Variants in CFAP99 observed in about 807,000 individuals in gnomAD.
CFAP99 encodes cilia- and flagella-associated protein 99.
CFAP99 carries 84 observed loss-of-function variants against 82.7 expected under a neutral mutation model. The ratio of observed to expected loss-of-function variants is 1.02; its 90% CI spans 0.85 to 1.22. CFAP99 has a LOEUF of 1.22. CFAP99 is among the 50% of genes most tolerant of loss of function. The pLI, the probability that CFAP99 is intolerant of heterozygous loss-of-function variation, is 0.00. For synonymous variants in CFAP99, 456 were observed against 429.5 expected, an observed-to-expected ratio of 1.06 and a Z score of -0.76; for missense variants, 1,059 against 983.5, an observed-to-expected ratio of 1.08 and a Z score of -1.03.
intron 6 of CFAP99, among the ~76,000 whole-genome samples, chr4:2,447,056 G>A (rs1482934033): frequency 6.6e-6 from 1 of 151,084 alleles, no homozygotes; most frequent in African/African-American, 2.4e-5. Flanking sequence ...GGAAGGATAA[G>A]TTGATGGATA....
rs746621697 is a variant in CFAP99 at position 2,436,927 on chromosome 4, C to T, written c.165C>T (p.Leu55=). Residue 55 remains leucine (L), a synonymous_variant, in exon 3 of 15, where the codon CTC becomes CTT. Transcript: ENST00000635017. ...TTTTGGAGGTTCTGTCTGGGTGCCT[C>T]GAGTACCGGAAGCTGCTGACCGTCG... 2.9e-5 allele frequency: 45 copies of T among 1,536,042 alleles called. 1 individual carries two copies. The highest frequency in any genetic ancestry group is 2.7e-4 in the African/African-American group (20 of 73,168).
At chr4:2,440,927 G>T (rs1280214536) in intron 4 of CFAP99, among the ~76,000 whole-genome samples, 1 of 151,906 alleles carries the variant, frequency 6.6e-6, no homozygotes, top group African/African-American at 2.4e-5. Context: ...GCATGGTGGT[G>T]CTTACCTGTA....
At chr4:2,422,490 A>C (rs1733604984) in intron 1 of CFAP99, among the ~76,000 whole-genome samples, 1 of 152,084 alleles carries the variant, frequency 6.6e-6, no homozygotes, top group Non-Finnish European at 1.5e-5. Flanking sequence ...GATTTGCATC[A>C]CCAAAGGGTA....
chr4:2,431,250 TC>T (rs1316974480), intron 2 of CFAP99, among the ~76,000 whole-genome samples: 2 of 151,672 alleles, frequency 1.3e-5, no homozygotes, highest in Admixed American at 1.3e-4. Context: ...GTGCCTGTGG[TC>T]CCAGCTACTC....
At chr4:2,424,786 C>T (rs1411759440) in intron 1 of CFAP99, among the ~76,000 whole-genome samples, 1 of 152,250 alleles carries the variant, frequency 6.6e-6, no homozygotes, top group Non-Finnish European at 1.5e-5. Flanking sequence ...GACTCCTCTG[C>T]ATCCCTGACT....
intron 4 of CFAP99, among the ~76,000 whole-genome samples, chr4:2,441,391 A>T (rs1382394286): frequency 2.7e-5 from 4 of 147,096 alleles, no homozygotes; most frequent in Non-Finnish European, 4.5e-5. Context: ...AAAAAAAAAA[A>T]TTGTTGAACA....
At chr4:2,428,841 TCCC>T (rs1417643989) in intron 2 of CFAP99, 1 of 152,732 alleles carries the variant, frequency 6.5e-6, no homozygotes, top group Non-Finnish European at 1.5e-5. Context: ...CCTTGACCTC[TCCC>T]GAGCCTGGAC....
At chr4:2,419,565 T>C (rs1179697998) in intron 1 of CFAP99, among the ~76,000 whole-genome samples, 2 of 152,176 alleles carry the variant, frequency 1.3e-5, no homozygotes, top group African/African-American at 4.8e-5. Flanking sequence ...TGGCTTGTTG[T>C]GAAACGTGCA....
chr4:2,430,979 G>A (rs1733788438), intron 2 of CFAP99, among the ~76,000 whole-genome samples: 1 of 151,382 alleles, frequency 6.6e-6, no homozygotes, highest in African/African-American at 2.4e-5. Flanking sequence ...GGCTAAGGAA[G>A]GAGGATTGCT....
intron 8 of CFAP99, 174 bp downstream of exon 8, chr4:2,450,179 TG>T (rs1734270300): frequency 1.8e-5 from 12 of 679,770 alleles, no homozygotes; most frequent in Non-Finnish European, 1.3e-5. Context: ...CACTGCGATG[TG>T]GCCCCTAAGC....
intron 6 of CFAP99, among the ~76,000 whole-genome samples, chr4:2,449,046 T>C (rs565175409): frequency 6.6e-6 from 1 of 152,212 alleles, no homozygotes; most frequent in African/African-American, 2.4e-5. Context: ...GACGAGTTGA[T>C]TTTCCATGAC....
At chr4:2,421,353 T>C (rs1293172303) in intron 1 of CFAP99, among the ~76,000 whole-genome samples, 2 of 140,312 alleles carry the variant, frequency 1.4e-5, no homozygotes, top group Non-Finnish European at 3.1e-5. Flanking sequence ...GCCCACCCTT[T>C]TTTTTTTTTT....
At position 2,451,038 on chromosome 4, in the gene CFAP99, G is replaced by T. The variant is rs1185877263; in HGVS notation, c.867+20G>T. ...TATAGGGTGAGGGGTGCTCCTGGAT[G>T]GTCAGGCTGCTCTCCCTGGGCACCC... On this transcript the variant is annotated intron_variant, in intron 9 of 14. Transcript: ENST00000635017. 7 of 1,533,256 alleles carry T rather than the reference G, an allele frequency of 4.6e-6. No homozygotes were observed. Among genetic ancestry groups the T allele is most frequent in the Middle Eastern group, 1.7e-4 (1 of 5,980 alleles). The allele number at this position is 1,533,256 out of a possible 1,614,324, so 95.0% of individuals were successfully genotyped here. A position where few individuals can be genotyped will look rare whatever the true frequency, so the allele number is the denominator to read the frequency against.
rs960222733 is a variant in CFAP99 at position 2,436,804 on chromosome 4, T to C, written c.112-70T>C. On this transcript the variant is annotated intron_variant, in intron 2 of 14. Coordinates refer to ENST00000635017, the Ensembl canonical transcript of CFAP99. The stretch of plus-strand genomic sequence containing the variant: ...CGCTCCACCCCTGCCTTTGCCCAAG[T>C]GTCCCACCCCCACCGCCGCCCTTTC... The C allele has an allele frequency of 1.4e-5, 18 of 1,276,486 alleles. No homozygotes were observed. In the Admixed American group the frequency reaches 3.4e-4, roughly 24 times the overall value. The allele number at this position is 1,276,486 out of a possible 1,614,324, so 79.1% of individuals were successfully genotyped here. A position where few individuals can be genotyped will look rare whatever the true frequency, so the allele number is the denominator to read the frequency against.
At chr4:2,442,809 G>C (rs1311193262) in intron 4 of CFAP99, among the ~76,000 whole-genome samples, 1 of 152,192 alleles carries the variant, frequency 6.6e-6, no homozygotes, top group African/African-American at 2.4e-5. Context: ...CAGGCCTCCA[G>C]CACCAGCATC....
rs758484718 is a variant in CFAP99 at position 2,450,990 on chromosome 4, GAA to G, written c.841_842del (p.Lys281AspfsTer8). The G allele has an allele frequency of 2.3e-5, 35 of 1,535,890 alleles. No individual in the cohort carries two copies. The highest frequency in any genetic ancestry group is 2.8e-5 in the Non-Finnish European group (32 of 1,146,854). ...CGGCTTCAGTTCCCACCCCGAATCC[GAA>G]AGACTCCGAAGCTGACCTTCTATAG... is the stretch of plus-strand genomic sequence containing the variant. On this transcript the variant is annotated frameshift_variant, in exon 9 of 15. Coordinates refer to ENST00000635017, the Ensembl canonical transcript of CFAP99. LOFTEE classifies it high-confidence loss of function.
At chr4:2,435,491 T>C (rs1560380227) in intron 2 of CFAP99, among the ~76,000 whole-genome samples, 1 of 152,106 alleles carries the variant, frequency 6.6e-6, no homozygotes, top group Non-Finnish European at 1.5e-5. Context: ...AGAGACCTTA[T>C]AAAAATGACT....
chr4:2,459,909 C>A, intron 13 of CFAP99, 128 bp from the exon 14 acceptor site: 2 of 794,960 alleles, frequency 2.5e-6, no homozygotes, highest in Non-Finnish European at 4.1e-6. Context: ...GGGCATGTTT[C>A]ATAAGCAGTG....
At chr4:2,439,984 C>T (rs1733997319) in intron 4 of CFAP99, among the ~76,000 whole-genome samples, 2 of 151,664 alleles carry the variant, frequency 1.3e-5, no homozygotes. Context: ...GCTGGGATTA[C>T]GGCATGTGCC....
Sources: gnomAD v4.1 joint callset for allele counts (sites outside exome capture counted in the v4.1 genomes callset) on GRCh38, gnomAD v4.1.1 for gene constraint, MANE v1.5 for transcripts, NCBI Gene and HGNC (gene_info 2026-07-23, HGNC 2026-07-21) for gene names.